Variants in MCC observed in about 807,000 individuals in gnomAD.
MCC encodes MCC regulator of Wnt signaling pathway, also known as colorectal mutant cancer protein.
Under a neutral mutation model 116.2 loss-of-function variants are expected in MCC, and 90 were observed. The ratio of observed to expected loss-of-function variants is 0.77; its 90% CI spans 0.65 to 0.92. MCC has a LOEUF of 0.92. Among genes scored for constraint, MCC ranks in the 40% least tolerant of loss-of-function variants. The probability of loss-of-function intolerance (pLI) is 0.00; values close to 1 mark genes in which losing one functional copy is unlikely to be tolerated. For missense variants in MCC, 1,516 were observed against 1,312.2 expected (o/e 1.16, Z -2.40); for synonymous variants, 578 against 510.5 (o/e 1.13, Z -1.78).
At chr5:113,118,202 G>C (rs1757500881) in intron 6 of MCC, among the ~76,000 whole-genome samples, 1 of 152,200 alleles carries the variant, frequency 6.6e-6, no homozygotes, top group Non-Finnish European at 1.5e-5. Flanking sequence ...AGTGAGCAAA[G>C]CATGTTAGTT....
At chr5:113,270,935 C>G in intron 3 of MCC, among the ~76,000 whole-genome samples, 1 of 151,880 alleles carries the variant, frequency 6.6e-6, no homozygotes, top group East Asian at 1.9e-4. Flanking sequence ...AAACAAAAAG[C>G]TGACATAATT....
chr5:113,459,908 A>T (rs1304681235), intron 1 of MCC, among the ~76,000 whole-genome samples: 1 of 151,890 alleles, frequency 6.6e-6, no homozygotes, highest in Non-Finnish European at 1.5e-5. Flanking sequence ...GGATATTTAG[A>T]TAGATATTTA....
chr5:113,419,220 G>T (rs1408119937), intron 1 of MCC, among the ~76,000 whole-genome samples: 1 of 151,094 alleles, frequency 6.6e-6, no homozygotes, highest in Non-Finnish European at 1.5e-5. Flanking sequence ...CTGGAGTGTG[G>T]AGTGCAGCGG....
intron 3 of MCC, among the ~76,000 whole-genome samples, chr5:113,228,247 G>A (rs557438): frequency 0.26 from 39,172 of 151,992 alleles, 5,403 homozygotes; most frequent in African/African-American, 0.32. Flanking sequence ...GTTGAGTGGT[G>A]GTGGGAACTT....
At chr5:113,418,588 A>C (rs1286613615) in intron 1 of MCC, among the ~76,000 whole-genome samples, 1 of 152,086 alleles carries the variant, frequency 6.6e-6, no homozygotes, top group African/African-American at 2.4e-5. Context: ...TCCACCTCAG[A>C]AGTGTATTGT....
chr5:113,132,459 C>T (rs759910749), intron 5 of MCC, among the ~76,000 whole-genome samples: 82,968 of 134,450 alleles, frequency 0.62, 27,696 homozygotes, highest in East Asian at 0.86. Context: ...CACACACACA[C>T]ACACACACAC....
intron 1 of MCC, among the ~76,000 whole-genome samples, chr5:113,385,804 G>A (rs1769240380): frequency 6.6e-6 from 1 of 152,096 alleles, no homozygotes; most frequent in Non-Finnish European, 1.5e-5. Flanking sequence ...CAATCAGTGA[G>A]CCCTAAGACT....
chr5:113,395,882 G>A (rs2150396945), intron 1 of MCC, among the ~76,000 whole-genome samples: 1 of 151,956 alleles, frequency 6.6e-6, no homozygotes, highest in Middle Eastern at 3.4e-3. Context: ...AACTACATCA[G>A]AATGGTGGGG....
chr5:113,192,313 A>T (rs1230524233), intron 3 of MCC, among the ~76,000 whole-genome samples: 1 of 152,218 alleles, frequency 6.6e-6, no homozygotes, highest in Non-Finnish European at 1.5e-5. Flanking sequence ...TTCAGAAAAG[A>T]ACATTCTCTG....
intron 16 of MCC, chr5:113,048,814 C>G (rs1370210431): frequency 9.4e-6 from 5 of 533,834 alleles, no homozygotes; most frequent in African/African-American, 1.9e-5. Context: ...GAGGTGAGAA[C>G]AGTATCAGTG....
rs371083857 is a variant in MCC at position 113,068,107 on chromosome 5, G to C, written c.2002C>G (p.Arg668Gly). Reference sequence around the variant, plus strand: ...GGGGAGGACCCCACGCCCGCCGCTCGGAACTGCCCCAGGATGAGGCTCTGC... The same window carrying C: ...GGGGAGGACCCCACGCCCGCCGCTCCGAACTGCCCCAGGATGAGGCTCTGC... ...SEQSLILGQF[R>G]AAGVGSSPGD... is the part of the protein sequence containing the mutation. Residue 668 changes from arginine (R) to glycine (G), a missense_variant, in exon 13 of 19, where the codon CGA (arginine) becomes GGA (glycine). Arg to Gly is a moderately radical substitution (Grantham distance 125). Coordinates refer to ENST00000408903, the MANE Select transcript of MCC (RefSeq NM_001085377.2). 1.9e-6 allele frequency: 3 copies of C among 1,614,046 alleles called. No homozygotes were observed. The African/African-American group carries it at 4.0e-5, about 22-fold the overall frequency.
chr5:113,143,921 G>A (rs1169000761), intron 4 of MCC, among the ~76,000 whole-genome samples: 1 of 152,074 alleles, frequency 6.6e-6, no homozygotes, highest in East Asian at 1.9e-4. Flanking sequence ...ATCCTAAATG[G>A]TATAATACCA....
In MCC at chr5:113,053,711, C is replaced by T; in HGVS notation, c.2448+14G>A. On this transcript the variant is annotated intron_variant, in intron 15 of 18. Coordinates refer to ENST00000408903, the MANE Select transcript of MCC (RefSeq NM_001085377.2). ...TGGTGGCAGCCTAGCACATGGGACC[C>T]ACCCACCACATACCTTCATGGCCAT... The T allele has an allele frequency of 6.3e-7, 1 of 1,585,136 alleles. No individual in the cohort carries two copies. Among genetic ancestry groups the T allele is most frequent in the Non-Finnish European group, 8.7e-7 (1 of 1,155,526 alleles).
intron 8 of MCC, among the ~76,000 whole-genome samples, chr5:113,094,118 T>C (rs533519401): frequency 1.3e-5 from 2 of 152,356 alleles, no homozygotes; most frequent in Admixed American, 6.5e-5. Context: ...GGAGATTTTA[T>C]ATGATTTTTC....
chr5:113,192,927 T>C (rs920710574), intron 3 of MCC, among the ~76,000 whole-genome samples: 3 of 152,236 alleles, frequency 2.0e-5, no homozygotes, highest in African/African-American at 7.2e-5. Flanking sequence ...AACCAACACA[T>C]GTTTATTGTC....
At chr5:113,397,634 A>AT (rs1222611041) in intron 1 of MCC, among the ~76,000 whole-genome samples, 21 of 152,322 alleles carry the variant, frequency 1.4e-4, no homozygotes, top group Admixed American at 1.4e-3. Context: ...GTGGCTAGCT[A>AT]TAAGTAGAAG....
chr5:113,368,730 G>A (rs921162997), intron 2 of MCC, among the ~76,000 whole-genome samples: 4 of 152,114 alleles, frequency 2.6e-5, no homozygotes, highest in Non-Finnish European at 5.9e-5. Context: ...CAGTTCTGCA[G>A]TGGATGCTAA....
chr5:113,247,525 A>G (rs984844570), intron 3 of MCC, among the ~76,000 whole-genome samples: 1 of 152,220 alleles, frequency 6.6e-6, no homozygotes, highest in Admixed American at 6.5e-5. Context: ...ATTTCTTCAC[A>G]TGGAAGTTTT....
intron 3 of MCC, among the ~76,000 whole-genome samples, chr5:113,178,534 C>T (rs932550345): frequency 6.6e-6 from 1 of 152,170 alleles, no homozygotes; most frequent in Non-Finnish European, 1.5e-5. Flanking sequence ...CTGCCTATGA[C>T]AAGTGGCCAC....
Sources: allele counts gnomAD v4.1 joint callset (sites outside exome capture counted in the v4.1 genomes callset), GRCh38; gene constraint gnomAD v4.1.1; transcripts MANE v1.5; gene names NCBI Gene and HGNC (gene_info 2026-07-23, HGNC 2026-07-21).